Variants in HLCS observed in about 807,000 individuals in gnomAD.
HLCS encodes holocarboxylase synthetase.
Under a neutral mutation model 75.0 loss-of-function variants are expected in HLCS, and 53 were observed. The ratio of observed to expected loss-of-function variants is 0.71; its 90% CI spans 0.57 to 0.89. The LOEUF (loss-of-function observed/expected upper bound fraction) is 0.89, where lower values mean the gene tolerates loss of function less well. Among genes scored for constraint, HLCS ranks in the 40% least tolerant of loss-of-function variants. The pLI is 0.00. For synonymous variants in HLCS, 431 were observed against 428.6 expected, an observed-to-expected ratio of 1.01 and a Z score of -0.07; for missense variants, 966 against 1,074.0, an observed-to-expected ratio of 0.90 and a Z score of 1.41.
Position 36,966,425 on chromosome 21 carries a change from G to GGCGCCCCCCCC in HLCS, c.195+18_195+19insGGGGGGGGCGC. On this transcript the variant is annotated intron_variant, in intron 1 of 10. Coordinates refer to ENST00000674895, the MANE Select transcript of HLCS (RefSeq NM_001352514.2). The stretch of plus-strand genomic sequence containing the variant: ...CCGGCTCGCGGGGCCCGGGTCGCCC[G>GGCGCCCCCCCC]CCCGCCCGACCCGCCCACCTGGCTG... 2 of 195,440 alleles carry GGCGCCCCCCCC rather than the reference G, an allele frequency of 1.0e-5. No individual in the cohort carries two copies. Among genetic ancestry groups the GGCGCCCCCCCC allele is most frequent in the Non-Finnish European group, 1.7e-5 (2 of 116,692 alleles). The allele number at this position is 195,440 out of a possible 1,614,324, so 12.1% of individuals were successfully genotyped here. A position where few individuals can be genotyped will look rare whatever the true frequency, so the allele number is the denominator to read the frequency against.
At chr21:36,788,672 A>T (rs2060768961) in intron 6 of HLCS, among the ~76,000 whole-genome samples, 1 of 151,630 alleles carries the variant, frequency 6.6e-6, no homozygotes, top group South Asian at 2.1e-4. Context: ...TTACAGTTGG[A>T]TATTATTATA....
intron 6 of HLCS, among the ~76,000 whole-genome samples, chr21:36,866,380 G>A (rs1307699306): frequency 1.3e-5 from 2 of 152,290 alleles, no homozygotes; most frequent in South Asian, 4.1e-4. Flanking sequence ...CTTATAATTA[G>A]GGAAATAGCC....
intron 1 of HLCS, among the ~76,000 whole-genome samples, chr21:36,983,038 A>C (rs1601945477): frequency 6.6e-6 from 1 of 152,146 alleles, no homozygotes; most frequent in Non-Finnish European, 1.5e-5. Context: ...CGTCTCAAAA[A>C]AAAAACAAAA....
intron 6 of HLCS, among the ~76,000 whole-genome samples, chr21:36,784,340 A>G (rs1174753832): frequency 6.8e-6 from 1 of 147,532 alleles, no homozygotes; most frequent in Admixed American, 6.7e-5. Flanking sequence ...TTAATGAGAC[A>G]GAGTCTTGCT....
chr21:36,966,594 AC>A lies in HLCS; in HGVS notation c.44del (p.Gly15ValfsTer38). The A allele has an allele frequency of 1.0e-6, 1 of 992,464 alleles. No individual in the cohort carries two copies. Among genetic ancestry groups the A allele is most frequent in the Non-Finnish European group, 1.2e-6 (1 of 836,974 alleles). The allele number at this position is 992,464 out of a possible 1,614,324, so 61.5% of individuals were successfully genotyped here. On this transcript the variant is annotated frameshift_variant, in exon 1 of 11. Transcript: ENST00000674895. LOFTEE classifies it high-confidence loss of function. ...CGCGCACGAGCTCAGCCGGCCGGCG[AC>A]CCCAGCGCGCCCACAGGTACAGGTA... ...LCYLYLWARWGRRPAELVRAT... is the reference protein window; with the variant it reads ...LCYLYLWARWXRRPAELVRAT...
At chr21:36,942,700 AG>A (rs1354009995) in intron 2 of HLCS, among the ~76,000 whole-genome samples, 1 of 152,182 alleles carries the variant, frequency 6.6e-6, no homozygotes. Flanking sequence ...ACAGAAAAAT[AG>A]GAGAAAGTAT....
chr21:36,910,546 G>GAAA (rs201799627), intron 5 of HLCS, among the ~76,000 whole-genome samples: 107 of 144,152 alleles, frequency 7.4e-4, no homozygotes, highest in Middle Eastern at 3.5e-3. Context: ...ACTCTGTATG[G>GAAA]AAAAAAAAAA....
intron 6 of HLCS, among the ~76,000 whole-genome samples, chr21:36,874,534 A>G (rs536045523): frequency 6.6e-6 from 1 of 152,326 alleles, no homozygotes; most frequent in East Asian, 1.9e-4. Flanking sequence ...AGCTTTGATT[A>G]TTGTCATTTT....
rs116772968 is a variant in HLCS, at chr21:36,931,987, T to C, written c.1438-1554A>G. Among the ~76,000 whole-genome samples the C allele has an allele frequency of 5.5e-3, 832 of 152,238 alleles. 10 individuals are homozygous for C. The highest frequency in any genetic ancestry group is 0.018 in the African/African-American group (753 of 41,540). ...TGCACATTAGGTGAACCGATGCGTC[T>C]ACATGGTCCTGATCTGAGCAAGTGT... On this transcript the variant is annotated intron_variant, in intron 4 of 10. Coordinates refer to ENST00000674895, the MANE Select transcript of HLCS (RefSeq NM_001352514.2).
At chr21:36,874,872 T>C (rs2063907664) in intron 6 of HLCS, among the ~76,000 whole-genome samples, 1 of 151,460 alleles carries the variant, frequency 6.6e-6, no homozygotes, top group Non-Finnish European at 1.5e-5. Context: ...CTCTCGGGGG[T>C]CCAGGAAGCA....
chr21:36,792,906 A>T (rs2145886167), intron 6 of HLCS, among the ~76,000 whole-genome samples: 1 of 152,282 alleles, frequency 6.6e-6, no homozygotes, highest in East Asian at 1.9e-4. Flanking sequence ...TGGTGAGGAC[A>T]GCAAAGATCT....
At chr21:36,800,107 C>T (rs1403647412) in intron 6 of HLCS, among the ~76,000 whole-genome samples, 2 of 152,082 alleles carry the variant, frequency 1.3e-5, no homozygotes, top group Non-Finnish European at 2.9e-5. Context: ...AACTTCTGGA[C>T]AAATCACTGT....
chr21:36,789,582 T>C (rs906802634), intron 6 of HLCS, among the ~76,000 whole-genome samples: 7 of 152,186 alleles, frequency 4.6e-5, no homozygotes, highest in Non-Finnish European at 1.0e-4. Context: ...TGTTTCCCTT[T>C]ACCATGGTTG....
chr21:36,888,467 TATATATATATATATATATATATA>T (rs2064611186), intron 6 of HLCS, among the ~76,000 whole-genome samples: 4 of 62,814 alleles, frequency 6.4e-5, no homozygotes, highest in South Asian at 2.2e-3. Flanking sequence ...TATATATATA[TATATATATATATATATATATATA>T]TATATATTTA....
intron 6 of HLCS, among the ~76,000 whole-genome samples, chr21:36,832,094 C>T (rs1231965595): frequency 6.6e-6 from 1 of 152,154 alleles, no homozygotes. Flanking sequence ...CATTTAGGTT[C>T]AATTAGATAC....
Position 36,936,908 on chromosome 21 carries a change from G to A in HLCS, c.978C>T (p.Phe326=), listed in dbSNP as rs2066914083. The part of the protein sequence containing the change: ...GSDSQEALGR[F]HEVRSVLADC... Reference sequence around the variant, plus strand: ...CGGCCAGCACAGACCGGACCTCGTGGAACCGGCCGAGGGCTTCCTGGGAGT... The same window carrying A: ...CGGCCAGCACAGACCGGACCTCGTGAAACCGGCCGAGGGCTTCCTGGGAGT... Residue 326 remains phenylalanine, a synonymous_variant, in exon 4 of 11, where the codon TTC becomes TTT. Coordinates refer to ENST00000674895, the MANE Select transcript of HLCS (RefSeq NM_001352514.2). The A allele has an allele frequency of 6.2e-7, 1 of 1,614,066 alleles. No individual in the cohort carries two copies. The highest frequency in any genetic ancestry group is 1.7e-5 in the Admixed American group (1 of 60,008).
chr21:36,898,836 G>A (rs1389858512), intron 5 of HLCS, among the ~76,000 whole-genome samples: 3 of 152,206 alleles, frequency 2.0e-5, no homozygotes, highest in South Asian at 2.1e-4. Flanking sequence ...TGAGGCAGGC[G>A]AATTGCTTGA....
At chr21:36,897,185 A>G in intron 5 of HLCS, 54 bp from the exon 6 acceptor site, 1 of 1,594,160 alleles carries the variant, frequency 6.3e-7, no homozygotes, top group Non-Finnish European at 8.6e-7. Context: ...ACATTAGATC[A>G]TGGTAGCTTT....
In HLCS at chr21:36,787,762, T is replaced by C. The variant is rs200677306; in HGVS notation, c.1893-20477A>G. Among the ~76,000 whole-genome samples the C allele has an allele frequency of 5.3e-5, 8 of 152,258 alleles. No homozygotes were observed. The East Asian group carries it at 1.5e-3, about 29-fold the overall frequency. On this transcript the variant is annotated intron_variant, in intron 6 of 10. Transcript: ENST00000674895. The stretch of plus-strand genomic sequence containing the variant: ...TCAGCTCTCTCCTTCCTACCTCACA[T>C]GACCCTAAGGAAAGTTAAGAAAAGA...
Sources: allele counts gnomAD v4.1 joint callset (sites outside exome capture counted in the v4.1 genomes callset), GRCh38; gene constraint gnomAD v4.1.1; transcripts MANE v1.5; gene names NCBI Gene and HGNC (gene_info 2026-07-23, HGNC 2026-07-21).